STK10: variants seen among roughly 807,000 people sequenced by gnomAD.
STK10 encodes serine/threonine kinase 10.
STK10 carries 78 observed loss-of-function variants against 113.8 expected under a neutral mutation model. The ratio of observed to expected loss-of-function variants is 0.69; its 90% CI spans 0.57 to 0.83. The LOEUF (loss-of-function observed/expected upper bound fraction) is 0.83, where lower values mean the gene tolerates loss of function less well. Among genes scored for constraint, STK10 ranks in the 40% least tolerant of loss-of-function variants. The pLI is 0.00. For missense variants in STK10, 1,109 were observed against 1,280.1 expected (o/e 0.87, Z 2.04); for synonymous variants, 465 against 494.7 (o/e 0.94, Z 0.80).
At chr5:172,047,668 C>T (rs1270160896) in intron 18 of STK10, among the ~76,000 whole-genome samples, 2 of 152,218 alleles carry the variant, frequency 1.3e-5, no homozygotes, top group East Asian at 3.9e-4. Flanking sequence ...GCCTCCTGTC[C>T]AGACCACAGT....
chr5:172,175,801 G>T (rs903642461), intron 1 of STK10, among the ~76,000 whole-genome samples: 1 of 152,138 alleles, frequency 6.6e-6, no homozygotes, highest in Non-Finnish European at 1.5e-5. Context: ...TGGCCAGAAA[G>T]ATCTGGATGC....
intron 12 of STK10, among the ~76,000 whole-genome samples, chr5:172,072,071 T>G (rs1768195398): frequency 6.6e-6 from 1 of 152,146 alleles, no homozygotes. Context: ...AACCAAGTGG[T>G]TCTTACCCCA....
intron 2 of STK10, among the ~76,000 whole-genome samples, chr5:172,129,057 C>G (rs1304183272): frequency 3.3e-5 from 5 of 152,218 alleles, no homozygotes; most frequent in African/African-American, 1.2e-4. Context: ...CTAGTGTGGC[C>G]TTGGACAGGT....
intron 2 of STK10, 39 bp downstream of exon 2, chr5:172,156,585 A>ATGGGGGCTGAGC (rs746219427): frequency 1.6e-5 from 25 of 1,592,486 alleles, no homozygotes; most frequent in African/African-American, 2.7e-5. Context: ...GCACCAGGCC[A>ATGGGGGCTGAGC]TGGGGGCTGA....
chr5:172,047,324 G>A (rs1032436186), intron 18 of STK10, among the ~76,000 whole-genome samples: 1 of 152,126 alleles, frequency 6.6e-6, no homozygotes, highest in African/African-American at 2.4e-5. Flanking sequence ...TCTTTGAAGC[G>A]ATCTGAGACA....
At chr5:172,064,461 C>G (rs1768021022) in intron 13 of STK10, 2 of 552,756 alleles carry the variant, frequency 3.6e-6, no homozygotes, top group African/African-American at 1.9e-5. Flanking sequence ...GTAGGAGGTG[C>G]TAAGGGTTTG....
intron 8 of STK10, among the ~76,000 whole-genome samples, chr5:172,095,560 C>A (rs1388739105): frequency 6.6e-6 from 1 of 152,226 alleles, no homozygotes; most frequent in Non-Finnish European, 1.5e-5. Flanking sequence ...GTAGAGGGCC[C>A]GGCAGCCACC....
At chr5:172,068,111 C>CGG (rs1768107905) in intron 12 of STK10, among the ~76,000 whole-genome samples, 1 of 152,046 alleles carries the variant, frequency 6.6e-6, no homozygotes, top group African/African-American at 2.4e-5. Flanking sequence ...GAGGCTAAGG[C>CGG]GGGTGGATCA....
Position 172,057,617 on chromosome 5 carries a change from CATT to C in STK10, c.2213-147_2213-145del. On this transcript the variant is annotated intron_variant, in intron 14 of 18. Transcript: ENST00000176763. Reference sequence around the variant, plus strand: ...TCAGGAATTGCCACATGTTCTACCTCATTAGACCATGTTGGCTGATCTGAGCTG... The same window carrying C: ...TCAGGAATTGCCACATGTTCTACCTCAGACCATGTTGGCTGATCTGAGCTG... 6 of 1,335,758 alleles carry C rather than the reference CATT, an allele frequency of 4.5e-6. No individual in the cohort carries two copies. The South Asian group carries it at 9.0e-5, about 20-fold the overall frequency. The allele number at this position is 1,335,758 out of a possible 1,614,324, so 82.7% of individuals were successfully genotyped here. A position where few individuals can be genotyped will look rare whatever the true frequency, so the allele number is the denominator to read the frequency against.
At chr5:172,181,884 T>C (rs947572416) in intron 1 of STK10, among the ~76,000 whole-genome samples, 4 of 151,838 alleles carry the variant, frequency 2.6e-5, no homozygotes, top group African/African-American at 9.7e-5. Context: ...CACCACAACA[T>C]CAAAAGTCTA....
intron 3 of STK10, 53 bp from the exon 4 acceptor site, chr5:172,117,683 C>A: frequency 1.2e-6 from 2 of 1,604,110 alleles, no homozygotes; most frequent in Non-Finnish European, 1.7e-6. Context: ...ACACAGGAAA[C>A]TGAAATGTCA....
In STK10 at chr5:172,183,950, C is replaced by T. The variant is rs950752249; in HGVS notation, c.156+3937G>A. On this transcript the variant is annotated intron_variant, in intron 1 of 18. Transcript: ENST00000176763. The stretch of plus-strand genomic sequence containing the variant: ...GAGGAAAAAAAGAGGTTTGATATCT[C>T]GGAGACTGCTCCTGTGAAGACTCCT... Among the ~76,000 whole-genome samples, 9 of 152,136 alleles carry T rather than the reference C, an allele frequency of 5.9e-5. 1 individual carries two copies. The highest frequency in any genetic ancestry group is 4.2e-4 in the South Asian group (2 of 4,818).
At chr5:172,090,471 C>T in intron 9 of STK10, 109 bp from the exon 10 acceptor site, 2 of 1,453,372 alleles carry the variant, frequency 1.4e-6, no homozygotes, top group Non-Finnish European at 1.9e-6. Flanking sequence ...CAGAACCACC[C>T]CCAGAGAGAT....
At chr5:172,141,846 C>T (rs1359583905) in intron 2 of STK10, among the ~76,000 whole-genome samples, 1 of 152,168 alleles carries the variant, frequency 6.6e-6, no homozygotes, top group Non-Finnish European at 1.5e-5. Context: ...AACTGGACAC[C>T]TGTGTTCCAT....
intron 1 of STK10, among the ~76,000 whole-genome samples, chr5:172,170,101 G>A (rs1770638751): frequency 6.7e-6 from 1 of 149,340 alleles, no homozygotes; most frequent in Admixed American, 6.7e-5. Flanking sequence ...CTCTGGTCAT[G>A]GCAGACACTC....
At chr5:172,046,287 G>A (rs1234188666) in intron 18 of STK10, among the ~76,000 whole-genome samples, 1 of 151,300 alleles carries the variant, frequency 6.6e-6, no homozygotes, top group South Asian at 2.1e-4. Flanking sequence ...TTGAGGCGAG[G>A]TGGAAGTTGC....
rs550609615 is a variant in STK10 at position 172,100,350 on chromosome 5, A to G, written c.871-3790T>C. On this transcript the variant is annotated intron_variant, in intron 7 of 18. Coordinates refer to ENST00000176763, the MANE Select transcript of STK10 (RefSeq NM_005990.4). ...CTGTTCAGTGCCATCTTTGCTGAAA[A>G]AGGCAACCGGCAGCTGCTCTCTAGC... Among the ~76,000 whole-genome samples, 4 of 152,272 alleles carry G rather than the reference A, an allele frequency of 2.6e-5. No homozygotes were observed. In the East Asian group the frequency reaches 7.7e-4, roughly 29 times the overall value.
intron 2 of STK10, among the ~76,000 whole-genome samples, chr5:172,140,143 T>A (rs1004514807): frequency 5.3e-5 from 8 of 152,116 alleles, no homozygotes; most frequent in Non-Finnish European, 7.4e-5. Flanking sequence ...AATGGACACC[T>A]CTTCAAAGAC....
intron 7 of STK10, among the ~76,000 whole-genome samples, chr5:172,100,196 T>G (rs933313714): frequency 6.6e-6 from 1 of 152,188 alleles, no homozygotes; most frequent in Non-Finnish European, 1.5e-5. Flanking sequence ...ACGCCCTGGC[T>G]ATGCTGCAAG....
Sources: allele counts gnomAD v4.1 joint callset (sites outside exome capture counted in the v4.1 genomes callset), GRCh38; gene constraint gnomAD v4.1.1; transcripts MANE v1.5; gene names NCBI Gene and HGNC (gene_info 2026-07-23, HGNC 2026-07-21).